The following GABRR3 variants were observed in gnomAD, a reference collection of about 807,000 sequenced individuals.
The protein encoded by GABRR3 is gamma-aminobutyric acid type A receptor subunit rho3, also known as gamma-aminobutyric acid receptor subunit rho-3.
A neutral mutation model predicts 43.2 loss-of-function variants in GABRR3; 29 were observed. The observed-to-expected ratio is 0.67, with a 90% CI of 0.50 to 0.92. The LOEUF is 0.92. GABRR3 is among the 40% of genes least tolerant of loss of function. GABRR3 has a pLI of 0.00. For synonymous variants in GABRR3, 206 were observed against 195.9 expected (o/e 1.05, Z -0.43); for missense variants, 576 against 572.3 (o/e 1.01, Z -0.07).
chr3:98,026,249 C>A (rs571573459), intron 2 of GABRR3, among the ~76,000 whole-genome samples: 1 of 152,134 alleles, frequency 6.6e-6, no homozygotes, highest in Admixed American at 6.5e-5. Flanking sequence ...AATTCCCATC[C>A]GGGGTTCTAG....
At chr3:97,986,777 A>C (rs763492104) in exon 10 of GABRR3, 1 of 1,609,046 alleles carries the variant, frequency 6.2e-7, no homozygotes, top group African/African-American at 1.3e-5. Context: ...GTTGTTTTCC[A>C]GAATGATTCT....
Position 98,034,908 on chromosome 3 carries a change from A to G in GABRR3, c.80T>C (p.Ile27Thr). Residue 27 changes from isoleucine (I) to threonine (T), a missense_variant, in exon 2 of 10, where the codon ATC (isoleucine) becomes ACC (threonine). Ile to Thr is a moderately conservative substitution (Grantham distance 89, BLOSUM62 -1). Coordinates refer to ENST00000621172, the Ensembl canonical transcript of GABRR3. The stretch of plus-strand genomic sequence containing the variant: ...GGAGCACCGCTGGTGTGTCATCTTG[A>G]TGTTAGAAGCAGCACAAACATTTGG... 3 of 1,613,184 alleles carry G rather than the reference A, an allele frequency of 1.9e-6. No homozygotes were observed. Among genetic ancestry groups the G allele is most frequent in the Non-Finnish European group, 2.5e-6 (3 of 1,179,356 alleles).
At chr3:97,996,031 C>T (rs1181324913) in intron 8 of GABRR3, among the ~76,000 whole-genome samples, 1 of 152,072 alleles carries the variant, frequency 6.6e-6, no homozygotes, top group Non-Finnish European at 1.5e-5. Flanking sequence ...TCTTAAGAAC[C>T]CTTTAGTCTG....
At chr3:98,008,879 G>T in intron 6 of GABRR3, 77 bp downstream of exon 6, 1 of 689,408 alleles carries the variant, frequency 1.5e-6, no homozygotes, top group Non-Finnish European at 2.4e-6. Flanking sequence ...TTTGTTAAGA[G>T]CATGCTTATT....
At chr3:97,994,001 A>C (rs1261435847) in intron 8 of GABRR3, among the ~76,000 whole-genome samples, 1 of 152,202 alleles carries the variant, frequency 6.6e-6, no homozygotes, top group Non-Finnish European at 1.5e-5. Flanking sequence ...CCAGAGTACC[A>C]CCTGGAGAGA....
chr3:98,019,595 T>A (rs1172622207), intron 3 of GABRR3, among the ~76,000 whole-genome samples: 2 of 151,242 alleles, frequency 1.3e-5, no homozygotes, highest in African/African-American at 4.9e-5. Context: ...AATTATGACT[T>A]TTTTTTTTGA....
intron 8 of GABRR3, among the ~76,000 whole-genome samples, chr3:97,996,967 A>G (rs977386191): frequency 6.6e-6 from 1 of 152,170 alleles, no homozygotes; most frequent in Non-Finnish European, 1.5e-5. Context: ...CTTAACAACT[A>G]CGTACTGAAT....
At chr3:98,034,785 C>T in intron 2 of GABRR3, 78 bp downstream of exon 2, 1 of 1,545,822 alleles carries the variant, frequency 6.5e-7, no homozygotes, top group East Asian at 2.3e-5. Context: ...GATACGTTTC[C>T]AGGTTTCCTG....
intron 8 of GABRR3, among the ~76,000 whole-genome samples, chr3:97,993,412 C>G (rs557251145): frequency 6.6e-6 from 1 of 152,300 alleles, no homozygotes; most frequent in East Asian, 1.9e-4. Context: ...ATCATTTCCT[C>G]TAACCTTTCC....
At chr3:98,023,277 T>C (rs1311207341) in intron 3 of GABRR3, among the ~76,000 whole-genome samples, 2 of 152,188 alleles carry the variant, frequency 1.3e-5, no homozygotes, top group Non-Finnish European at 2.9e-5. Flanking sequence ...ATAAAAACCC[T>C]TTCCTCTAGG....
intron 6 of GABRR3, among the ~76,000 whole-genome samples, chr3:98,008,205 A>G (rs560128602): frequency 1.3e-5 from 2 of 152,314 alleles, no homozygotes; most frequent in South Asian, 4.1e-4. Flanking sequence ...TAGAGTGTTA[A>G]GCCAGGCCTC....
intron 2 of GABRR3, among the ~76,000 whole-genome samples, chr3:98,028,545 A>T (rs1707049193): frequency 6.6e-6 from 1 of 152,270 alleles, no homozygotes; most frequent in Non-Finnish European, 1.5e-5. Context: ...ATTTGTAATG[A>T]TCTCTTTGTA....
chr3:98,009,952 T>C (rs1286274735), intron 5 of GABRR3, among the ~76,000 whole-genome samples: 1 of 152,230 alleles, frequency 6.6e-6, no homozygotes, highest in African/African-American at 2.4e-5. Context: ...TCATAGTACA[T>C]GTGAGTGACT....
exon 9 of GABRR3, chr3:97,993,007 C>A (rs778761997): frequency 7.4e-6 from 12 of 1,612,396 alleles, no homozygotes; most frequent in Non-Finnish European, 1.0e-5. Context: ...GAGGCGCTCA[C>A]AGCAGTGATG....
intron 3 of GABRR3, among the ~76,000 whole-genome samples, chr3:98,020,457 C>CAAAAAAAAAA (rs745684367): frequency 4.0e-5 from 4 of 100,586 alleles, no homozygotes; most frequent in East Asian, 2.9e-4. Context: ...GTCCAATCTT[C>CAAAAAAAAAA]AAAAAAAAAA....
chr3:97,993,210 A>C (rs1457220086), intron 8 of GABRR3, 162 bp from the exon 9 acceptor site: 2 of 178,440 alleles, frequency 1.1e-5, no homozygotes, highest in African/African-American at 4.8e-5. Context: ...CTTGAGCCTA[A>C]ACAAACACTC....
chr3:98,011,788 G>A (rs1203884043), intron 5 of GABRR3, among the ~76,000 whole-genome samples: 3 of 152,050 alleles, frequency 2.0e-5, no homozygotes, highest in Non-Finnish European at 2.9e-5. Context: ...TCCATGATAA[G>A]CCACTCAATA....
intron 6 of GABRR3, 59 bp downstream of exon 6, chr3:98,008,897 A>G: frequency 2.3e-6 from 2 of 882,248 alleles, no homozygotes; most frequent in Non-Finnish European, 3.6e-6. Flanking sequence ...ATTTACATGT[A>G]AGTATGTGAT....
In GABRR3 at chr3:98,004,631, G is replaced by A. The variant is rs191799647; in HGVS notation, c.755-2864C>T. On this transcript the variant is annotated intron_variant, in intron 7 of 9. Transcript: ENST00000621172. ...CCTCATCTGCTTGTTAATATTGCCA[G>A]GTCGTGGTGATTTTTGAACAGTGGC... Among the ~76,000 whole-genome samples the A allele has an allele frequency of 8.9e-4, 135 of 151,266 alleles. 1 individual carries two copies. Among genetic ancestry groups the A allele is most frequent in the African/African-American group, 3.1e-3 (128 of 41,182 alleles).
Sources: allele counts gnomAD v4.1 joint callset (sites outside exome capture counted in the v4.1 genomes callset), GRCh38; gene constraint gnomAD v4.1.1; transcripts MANE v1.5; gene names NCBI Gene and HGNC (gene_info 2026-07-23, HGNC 2026-07-21).